The following PM20D1 variants were observed in gnomAD, a reference collection of about 807,000 sequenced individuals.
PM20D1 encodes the protein N-fatty-acyl-amino acid synthase/hydrolase PM20D1.
PM20D1 carries 53 observed loss-of-function variants against 53.8 expected under a neutral mutation model. The observed-to-expected ratio is 0.98, with a 90% confidence interval of 0.79 to 1.24. The LOEUF (loss-of-function observed/expected upper bound fraction) is 1.24, where lower values mean the gene tolerates loss of function less well. Ranked by LOEUF, PM20D1 falls within the 50% of genes most tolerant of loss-of-function variation. PM20D1 has a pLI of 0.00. For synonymous variants in PM20D1, 239 were observed against 241.3 expected (o/e 0.99, Z 0.09); for missense variants, 564 against 616.8 (o/e 0.91, Z 0.91).
In PM20D1 at chr1:205,840,897, G is replaced by T. The variant is rs535926916; in HGVS notation, c.1045-574C>A. On this transcript the variant is annotated intron_variant, in intron 9 of 12. Transcript: ENST00000367136. ...AAGAAAAGGACCCTAGTGCTGGCCA[G>T]TGCTCTGCCTGTTCTCACCTATTCC... Among the ~76,000 whole-genome samples, 28 of 152,344 alleles carry T rather than the reference G, an allele frequency of 1.8e-4. 1 individual carries two copies. The South Asian group carries it at 5.8e-3, about 32-fold the overall frequency.
chr1:205,844,707 A>G (rs1656905442), intron 4 of PM20D1, 104 bp downstream of exon 4: 3 of 1,014,166 alleles, frequency 3.0e-6, no homozygotes, highest in East Asian at 2.4e-5. Flanking sequence ...AAACTACCGT[A>G]TCATGGAGAC....
chr1:205,841,839 G>A lies in PM20D1; in HGVS notation c.1016C>T (p.Ala339Val), dbSNP rs1372832935. The change falls in exon 9 of 13, where the codon GCA becomes GTA. Residue 339 changes from alanine (A) to valine (V), a missense_variant. Ala to Val is a moderately conservative substitution (Grantham distance 64, BLOSUM62 0). Transcript: ENST00000367136. ...GACCCCTGCTTTGAATATGGTGAGT[G>A]CCGTGGTGGTCCTGATTATTGCATT... ...LTNAIIRTTT[A>V]LTIFKAGVKF... is the part of the protein sequence containing the mutation. 6.4e-7 allele frequency: 1 copy of A among 1,570,216 alleles called. No homozygotes were observed. Among genetic ancestry groups the A allele is most frequent in the Non-Finnish European group, 8.7e-7 (1 of 1,154,692 alleles).
rs1011156039 is a variant in PM20D1 at position 205,828,472 on chromosome 1, G to T, written c.*148C>A. ...GCTGACTTTACCTTACCCCGGCCTT[G>T]TTCTTGGGAGAGTTTAAGAGTGAGC... On this transcript the variant is annotated 3_prime_UTR_variant, in exon 13 of 13. Coordinates refer to ENST00000367136, the MANE Select transcript of PM20D1 (RefSeq NM_152491.5). 2.5e-6 allele frequency: 3 copies of T among 1,182,124 alleles called. No individual in the cohort carries two copies. The highest frequency in any genetic ancestry group is 3.4e-6 in the Non-Finnish European group (3 of 871,402). 73.2% of individuals were successfully genotyped at this position (1,182,124 alleles called of 1,614,324 possible).
intron 3 of PM20D1, 150 bp from the exon 4 acceptor site, chr1:205,845,047 G>C: frequency 1.4e-6 from 1 of 710,376 alleles, no homozygotes; most frequent in South Asian, 1.8e-5. Context: ...AAATGGTACA[G>C]GGGACCTGAT....
At chr1:205,829,220 A>G (rs895044273) in intron 12 of PM20D1, among the ~76,000 whole-genome samples, 1 of 151,910 alleles carries the variant, frequency 6.6e-6, no homozygotes. Flanking sequence ...GAAGAGATGG[A>G]GTCTCATTAT....
At chr1:205,845,288 T>C in intron 3 of PM20D1, 37 bp downstream of exon 3, 3 of 1,591,174 alleles carry the variant, frequency 1.9e-6, no homozygotes, top group Non-Finnish European at 2.6e-6. Flanking sequence ...GATTGATCTT[T>C]AGGGCCCCAA....
At chr1:205,831,339 A>T (rs1213945696) in intron 11 of PM20D1, among the ~76,000 whole-genome samples, 4 of 152,140 alleles carry the variant, frequency 2.6e-5, no homozygotes. Flanking sequence ...TTTTTCTGCA[A>T]AAGCCTGGCC....
intron 12 of PM20D1, among the ~76,000 whole-genome samples, chr1:205,829,218 G>T (rs1397616294): frequency 7.2e-5 from 11 of 151,932 alleles, no homozygotes; most frequent in Non-Finnish European, 1.2e-4. Flanking sequence ...TTGAAGAGAT[G>T]GAGTCTCATT....
At chr1:205,848,027 C>T (rs1657032359) in intron 1 of PM20D1, 56 bp from the exon 2 acceptor site, 12 of 1,534,854 alleles carry the variant, frequency 7.8e-6, no homozygotes, top group Middle Eastern at 1.7e-4. Context: ...TTGTTTTTTT[C>T]TACAGTCCTC....
chr1:205,832,692 G>T lies in PM20D1; in HGVS notation c.1191C>A (p.Leu397=), dbSNP rs201315062. ...QFHVLSAFDP[L]PVSPSDDKAL... ...CCTTGTCATCAGAAGGGCTGACGGG[G>T]AGGGGGTCAAAGGCACTCAACACAT... The change falls in exon 11 of 13, where the codon CTC becomes CTA. Residue 397 remains leucine (L), a synonymous_variant. Transcript: ENST00000367136. The T allele has an allele frequency of 4.3e-6, 7 of 1,614,004 alleles. No homozygotes were observed. The highest frequency in any genetic ancestry group is 5.9e-6 in the Non-Finnish European group (7 of 1,180,026).
chr1:205,850,051 C>A lies in PM20D1; in HGVS notation c.22G>T (p.Val8Leu), dbSNP rs1228110081. ...AGCAGCATAGCCACCAGGGCCAGCA[C>A]GCAAACGCACCGCTGAGCCATGCTT... is the stretch of plus-strand genomic sequence containing the variant. The part of the protein sequence containing the change: MAQRCVC[V>L]LALVAMLLLV... Residue 8 changes from valine (V) to leucine (L), a missense_variant, in exon 1 of 13, where the codon GTG becomes TTG. Physicochemically the swap from Val to Leu is conservative, Grantham distance 32 (BLOSUM62 1). Transcript: ENST00000367136. 12 of 1,613,782 alleles carry A rather than the reference C, an allele frequency of 7.4e-6. No homozygotes were observed. The highest frequency in any genetic ancestry group is 1.0e-5 in the Non-Finnish European group (12 of 1,179,826).
chr1:205,840,637 A>G (rs1020137376), intron 9 of PM20D1, among the ~76,000 whole-genome samples: 1 of 152,164 alleles, frequency 6.6e-6, no homozygotes, highest in Admixed American at 6.5e-5. Flanking sequence ...ATGCTGTGCT[A>G]TTAGAAGCCT....
In PM20D1 at chr1:205,832,587, G is replaced by T; in HGVS notation, c.1285+11C>A. 1 of 1,613,970 alleles carries T rather than the reference G, an allele frequency of 6.2e-7. No homozygotes were observed. The highest frequency in any genetic ancestry group is 1.7e-5 in the Admixed American group (1 of 60,008). Reference sequence around the variant, plus strand: ...CCTCCTCCCTCCAGCCACAGCTGATGAAGTCATTACCTGGGGCAGTAATAT... The same window carrying T: ...CCTCCTCCCTCCAGCCACAGCTGATTAAGTCATTACCTGGGGCAGTAATAT... On this transcript the variant is annotated intron_variant, in intron 11 of 12. Coordinates refer to ENST00000367136, the MANE Select transcript of PM20D1 (RefSeq NM_152491.5).
At position 205,843,753 on chromosome 1, in the gene PM20D1, G is replaced by A. The variant is rs372016896; in HGVS notation, c.741C>T (p.Leu247=). 1.8e-5 allele frequency: 29 copies of A among 1,614,154 alleles called. No individual in the cohort carries two copies. In the African/African-American group the frequency reaches 3.7e-4, roughly 21 times the overall value. Residue 247 remains leucine, a synonymous_variant, in exon 6 of 13, where the codon CTC becomes CTT. Coordinates refer to ENST00000367136, the MANE Select transcript of PM20D1 (RefSeq NM_152491.5). The stretch of plus-strand genomic sequence containing the variant: ...CTGAAGTCATGTTTACTTGCAGCAT[G>A]AGGTTCATGGAACCCTTCTCTGAGA... ...IAVSEKGSMN[L]MLQVNMTSGH...
At position 205,842,727 on chromosome 1, in the gene PM20D1, G is replaced by A. The variant is rs1364914342; in HGVS notation, c.852C>T (p.Ile284=). 6.2e-7 allele frequency: 1 copy of A among 1,614,028 alleles called. No homozygotes were observed. The highest frequency in any genetic ancestry group is 8.5e-7 in the Non-Finnish European group (1 of 1,180,030). ...TCACCACTGTCCCGCTTCCAAATAT[G>A]ATAGGCATTGGTGTCTGCTCCAATC... ...VSRLEQTPMP[I]IFGSGTVVTV... The change falls in exon 7 of 13, where the codon ATC becomes ATT. Residue 284 remains isoleucine (I), a synonymous_variant. Coordinates refer to ENST00000367136, the MANE Select transcript of PM20D1 (RefSeq NM_152491.5).
At chr1:205,841,007 A>G (rs558075270) in intron 9 of PM20D1, among the ~76,000 whole-genome samples, 29 of 152,224 alleles carry the variant, frequency 1.9e-4, no homozygotes, top group Non-Finnish European at 3.5e-4. Context: ...GACCTAACAT[A>G]ACCTTTGGGA....
At chr1:205,830,042 A>G (rs1656523596) in intron 12 of PM20D1, 1 of 415,982 alleles carries the variant, frequency 2.4e-6, no homozygotes, top group Non-Finnish European at 4.4e-6. Flanking sequence ...CTCCCCAATC[A>G]CCCAATTATC....
chr1:205,840,820 T>A (rs1162864730), intron 9 of PM20D1, among the ~76,000 whole-genome samples: 1 of 152,168 alleles, frequency 6.6e-6, no homozygotes, highest in Non-Finnish European at 1.5e-5. Context: ...ACTCCTCACA[T>A]ATTCCTGGTC....
intron 1 of PM20D1, 144 bp from the exon 2 acceptor site, chr1:205,848,115 T>C (rs1657041853): frequency 2.6e-6 from 2 of 762,496 alleles, no homozygotes; most frequent in Non-Finnish European, 4.4e-6. Flanking sequence ...CGCTATTGTT[T>C]CCTCTAATTC....
Sources: gnomAD v4.1 joint callset for allele counts (sites outside exome capture counted in the v4.1 genomes callset) on GRCh38, gnomAD v4.1.1 for gene constraint, MANE v1.5 for transcripts, NCBI Gene and HGNC (gene_info 2026-07-23, HGNC 2026-07-21) for gene names.